The following NLRP7 variants were observed in gnomAD, a reference collection of about 807,000 sequenced individuals.
NLRP7 encodes the protein NLR family pyrin domain containing 7.
Under a neutral mutation model 85.5 loss-of-function variants are expected in NLRP7, and 72 were observed. The observed-to-expected ratio is 0.84, with a 90% confidence interval of 0.70 to 1.02. NLRP7 has a LOEUF of 1.02. Ranked by LOEUF, NLRP7 falls within the 50% of genes least tolerant of loss-of-function variation. NLRP7 has a pLI of 0.00. For synonymous variants in NLRP7, 550 were observed against 505.2 expected, an observed-to-expected ratio of 1.09 and a Z score of -1.19; for missense variants, 1,243 against 1,219.5, an observed-to-expected ratio of 1.02 and a Z score of -0.29.
exon 4 of NLRP7, chr19:54,940,323 G>T: frequency 6.2e-7 from 1 of 1,614,218 alleles, no homozygotes; most frequent in Non-Finnish European, 8.5e-7. Flanking sequence ...AGCTTCCTGG[G>T]TGTTCTGGGA....
intron 1 of NLRP7, among the ~76,000 whole-genome samples, chr19:54,959,141 C>CTTTTTTTTTTT (rs74177888): frequency 1.9e-4 from 26 of 134,666 alleles, no homozygotes; most frequent in African/African-American, 2.2e-4. Context: ...TTTTCTTTTT[C>CTTTTTTTTTTT]TTTTTTTTTT....
At chr19:54,959,141 C>CTTTTTTTTTTTTTTTT (rs74177888) in intron 1 of NLRP7, among the ~76,000 whole-genome samples, 47 of 134,658 alleles carry the variant, frequency 3.5e-4, no homozygotes, top group Non-Finnish European at 4.2e-4. Flanking sequence ...TTTTCTTTTT[C>CTTTTTTTTTTTTTTTT]TTTTTTTTTT....
At chr19:54,931,666 C>CAAG (rs112570298) in intron 8 of NLRP7, among the ~76,000 whole-genome samples, 100,446 of 144,812 alleles carry the variant, frequency 0.69, 35,676 homozygotes, top group African/African-American at 0.87. Flanking sequence ...CCAGCCTGGG[C>CAAG]AAGAGCGAAA....
intron 1 of NLRP7, among the ~76,000 whole-genome samples, chr19:54,954,076 G>A (rs1602228385): frequency 1.4e-5 from 2 of 147,074 alleles, no homozygotes; most frequent in Non-Finnish European, 1.5e-5. Flanking sequence ...AGATAGTGAC[G>A]AGAGTAACCT....
chr19:54,949,624 A>G (rs2069606310), upstream of NLRP7, among the ~76,000 whole-genome samples: 1 of 151,912 alleles, frequency 6.6e-6, no homozygotes. Context: ...CCCCTAGATA[A>G]CCCCACAAGT....
Position 54,940,110 on chromosome 19 carries a change from CAT to C in NLRP7, c.707_708del (p.Asp236GlyfsTer20), listed in dbSNP as rs1218151928. ...GCTTGGGCTAGGATGCTTGGAATGT[CAT>C]CCTGCAATTCAGGCCAGTCTTTGGA... On this transcript the variant is annotated frameshift_variant, in exon 4 of 10. Coordinates refer to ENST00000340844, the Ensembl canonical transcript of NLRP7. LOFTEE classifies it high-confidence loss of function. 1 of 1,614,088 alleles carries C rather than the reference CAT, an allele frequency of 6.2e-7. No individual in the cohort carries two copies. The highest frequency in any genetic ancestry group is 8.5e-7 in the Non-Finnish European group (1 of 1,180,042).
chr19:54,951,870 C>G (rs1330961362), upstream of NLRP7, among the ~76,000 whole-genome samples: 1 of 152,048 alleles, frequency 6.6e-6, no homozygotes, highest in Non-Finnish European at 1.5e-5. Context: ...CCTGCCTCAG[C>G]CTCCCGAATA....
upstream of NLRP7, among the ~76,000 whole-genome samples, chr19:54,948,709 G>A (rs2069575296): frequency 6.6e-6 from 1 of 152,050 alleles, no homozygotes; most frequent in Non-Finnish European, 1.5e-5. Context: ...AGCTGGGACT[G>A]CAGGCACATG....
chr19:54,963,954 C>T (rs2070176964), intron 1 of NLRP7, among the ~76,000 whole-genome samples: 1 of 149,436 alleles, frequency 6.7e-6, no homozygotes, highest in African/African-American at 2.5e-5. Context: ...GGTCTCGGCT[C>T]ACTGCAACCT....
At chr19:54,935,262 C>T (rs35872289) in intron 6 of NLRP7, among the ~76,000 whole-genome samples, 5,909 of 152,022 alleles carry the variant, frequency 0.039, 124 homozygotes, top group Non-Finnish European at 0.047. Flanking sequence ...CAGGATCTCG[C>T]TCTGTTGCCC....
chr19:54,949,259 C>G (rs1030528110), upstream of NLRP7, among the ~76,000 whole-genome samples: 4 of 147,754 alleles, frequency 2.7e-5, no homozygotes, highest in African/African-American at 1.0e-4. Context: ...GCCTGGGCGA[C>G]AGAGACTCCA....
At chr19:54,963,847 CAAAG>C (rs201016883) in intron 1 of NLRP7, among the ~76,000 whole-genome samples, 2,721 of 149,088 alleles carry the variant, frequency 0.018, 40 homozygotes, top group East Asian at 0.049. Context: ...GCAAAACAAA[CAAAG>C]AAACATGAAA....
chr19:54,930,693 C>A lies in NLRP7; in HGVS notation c.2643-27G>T, dbSNP rs778959473. ...TACAGGATAATCAAAGGAAGAGAAG[C>A]CTGTTATCCCTCTGGCTAACGCCCT... On this transcript the variant is annotated intron_variant, in intron 8 of 9. Transcript: ENST00000340844. 4.4e-6 allele frequency: 7 copies of A among 1,604,680 alleles called. No homozygotes were observed. The South Asian group carries it at 7.7e-5, about 18-fold the overall frequency.
chr19:54,937,326 C>T (rs1346286566), intron 5 of NLRP7, among the ~76,000 whole-genome samples: 1 of 151,784 alleles, frequency 6.6e-6, no homozygotes, highest in Non-Finnish European at 1.5e-5. Flanking sequence ...CTATGACACA[C>T]GGTTACCTGT....
Position 54,940,228 on chromosome 19 carries a change from GTC to G in NLRP7, c.589_590del (p.Asp197LeufsTer36). 6.2e-7 allele frequency: 1 copy of G among 1,614,188 alleles called. No homozygotes were observed. The highest frequency in any genetic ancestry group is 8.5e-7 in the Non-Finnish European group (1 of 1,180,040). Reference sequence around the variant, plus strand: ...ATCTGAGCGTCGGGCTGAGGTTGCAGTCTGTCCAGTCCAGCATACACTTTTTG... The same window carrying G: ...ATCTGAGCGTCGGGCTGAGGTTGCAGTGTCCAGTCCAGCATACACTTTTTG... On this transcript the variant is annotated frameshift_variant, in exon 4 of 10. Transcript: ENST00000340844. LOFTEE classifies it high-confidence loss of function.
At chr19:54,952,847 G>T (rs1323850861) in intron 1 of NLRP7, among the ~76,000 whole-genome samples, 1 of 151,816 alleles carries the variant, frequency 6.6e-6, no homozygotes, top group Non-Finnish European at 1.5e-5. Flanking sequence ...GACAGTTAAG[G>T]CATTCTCCAA....
chr19:54,943,633 A>T (rs2146240295), intron 1 of NLRP7, among the ~76,000 whole-genome samples: 1 of 152,240 alleles, frequency 6.6e-6, no homozygotes, highest in South Asian at 2.1e-4. Context: ...GGCAGCCTGG[A>T]AAATAAATAA....
chr19:54,940,119 A>G (rs1416109489), exon 4 of NLRP7: 1 of 1,614,056 alleles, frequency 6.2e-7, no homozygotes, highest in Non-Finnish European at 8.5e-7. Context: ...TCATCCTGCA[A>G]TTCAGGCCAG....
At chr19:54,926,108 G>A (rs905360269) in intron 9 of NLRP7, among the ~76,000 whole-genome samples, 20 of 151,840 alleles carry the variant, frequency 1.3e-4, no homozygotes, top group South Asian at 4.2e-4. Context: ...AGATATACAC[G>A]GGTCACAACT....
Sources: allele counts gnomAD v4.1 joint callset (sites outside exome capture counted in the v4.1 genomes callset), GRCh38; gene constraint gnomAD v4.1.1; transcripts MANE v1.5; gene names NCBI Gene and HGNC (gene_info 2026-07-23, HGNC 2026-07-21).